Variants in CDH23 observed in about 807,000 individuals in gnomAD.
CDH23 encodes cadherin related 23.
A neutral mutation model predicts 317.1 loss-of-function variants in CDH23; 189 were observed. The ratio of observed to expected loss-of-function variants is 0.60; its 90% CI spans 0.53 to 0.67. The LOEUF is 0.67. Ranked by LOEUF, CDH23 falls within the 30% of genes least tolerant of loss-of-function variation. CDH23 has a pLI of 0.00. For synonymous variants in CDH23, 1,839 were observed against 1,876.8 expected, an observed-to-expected ratio of 0.98 and a Z score of 0.52; for missense variants, 4,401 against 4,592.4, an observed-to-expected ratio of 0.96 and a Z score of 1.20.
intron 9 of CDH23, among the ~76,000 whole-genome samples, chr10:71,579,124 C>T (rs10999895): frequency 0.39 from 59,547 of 152,064 alleles, 11,865 homozygotes; most frequent in African/African-American, 0.45. Flanking sequence ...TAAAGTACCA[C>T]GTAAGTGTTA....
chr10:71,443,916 T>G (rs1850027084), intron 2 of CDH23, among the ~76,000 whole-genome samples: 1 of 152,206 alleles, frequency 6.6e-6, no homozygotes, highest in Admixed American at 6.5e-5. Flanking sequence ...CGTCCCGGAG[T>G]CTGCCTAGCT....
At chr10:71,567,017 A>T in intron 7 of CDH23, 81 bp downstream of exon 7, 1 of 1,287,722 alleles carries the variant, frequency 7.8e-7, no homozygotes, top group Admixed American at 1.9e-5. Flanking sequence ...TTCCAATGGG[A>T]CATTGACCCA....
At position 71,619,999 on chromosome 10, in the gene CDH23, A is replaced by G. The variant is rs531160149; in HGVS notation, c.1134+2606A>G. On this transcript the variant is annotated intron_variant, in intron 11 of 69. Transcript: ENST00000224721. ...GCATCCATCAGCTTATATTGCAGTA[A>G]CAAGTTAGGCCCCACATAAAAGTTG... 9.9e-4 allele frequency among the ~76,000 whole-genome samples: 151 copies of G among 152,342 alleles called. 1 individual carries two copies. Among genetic ancestry groups the G allele is most frequent in the African/African-American group, 3.6e-3 (149 of 41,568 alleles).
intron 38 of CDH23, among the ~76,000 whole-genome samples, chr10:71,765,412 G>T (rs551936778): frequency 6.6e-6 from 1 of 152,324 alleles, no homozygotes; most frequent in Admixed American, 6.5e-5. Flanking sequence ...AGCAAGATGC[G>T]CAAAGCTGAG....
In CDH23 at chr10:71,810,539, G is replaced by A. The variant is rs748451525; in HGVS notation, c.9047G>A (p.Arg3016His). Reference protein sequence around the residue: ...QTELLIHVVNRDTNRILDVDR... With the variant: ...QTELLIHVVNHDTNRILDVDR... ...GAACTGCTTATCCACGTGGTGAACC[G>A]CGATACCAACCGCATCCTGGACGTG... Residue 3016 changes from arginine to histidine, a missense_variant, in exon 62 of 70, where the codon CGC becomes CAC. This residue lies in a region of CDH23 where 1,144 missense variants were observed against 1,138.2 expected (regional missense o/e 1.01). Coordinates refer to ENST00000224721, the MANE Select transcript of CDH23 (RefSeq NM_022124.6). 6.2e-6 allele frequency: 10 copies of A among 1,613,826 alleles called. No homozygotes were observed. Among genetic ancestry groups the A allele is most frequent in the Admixed American group, 3.3e-5 (2 of 60,002 alleles).
intron 9 of CDH23, among the ~76,000 whole-genome samples, chr10:71,581,835 C>A (rs1046902829): frequency 1.3e-5 from 2 of 152,206 alleles, no homozygotes; most frequent in Non-Finnish European, 2.9e-5. Flanking sequence ...ACAGACACCC[C>A]CTCTGGCCTC....
intron 7 of CDH23, among the ~76,000 whole-genome samples, chr10:71,568,542 T>C (rs1363872248): frequency 3.3e-5 from 5 of 152,104 alleles, no homozygotes; most frequent in African/African-American, 1.2e-4. Context: ...TTGCTGTTAC[T>C]CTCCCAGTAA....
At chr10:71,490,617 G>C (rs1466666246) in intron 3 of CDH23, among the ~76,000 whole-genome samples, 1 of 152,238 alleles carries the variant, frequency 6.6e-6, no homozygotes, top group African/African-American at 2.4e-5. Context: ...AGGGCTACAC[G>C]AATGAGGGTC....
chr10:71,777,549 C>T, intron 38 of CDH23, 131 bp from the exon 39 acceptor site: 1 of 757,042 alleles, frequency 1.3e-6, no homozygotes, highest in South Asian at 1.7e-5. Context: ...GTGACCCACC[C>T]CCTGCTTTCT....
chr10:71,669,044 T>G (rs1039424197), intron 14 of CDH23, among the ~76,000 whole-genome samples: 1 of 152,232 alleles, frequency 6.6e-6, no homozygotes, highest in Admixed American at 6.5e-5. Flanking sequence ...CAGTCTCGGC[T>G]GCACCCTCTC....
chr10:71,604,378 A>C (rs1316581995), intron 9 of CDH23, among the ~76,000 whole-genome samples: 1 of 152,238 alleles, frequency 6.6e-6, no homozygotes, highest in Non-Finnish European at 1.5e-5. Context: ...TGACCAACTC[A>C]CATGAAGTGC....
At chr10:71,629,236 A>T (rs1419491147) in intron 11 of CDH23, among the ~76,000 whole-genome samples, 1 of 152,232 alleles carries the variant, frequency 6.6e-6, no homozygotes, top group Non-Finnish European at 1.5e-5. Flanking sequence ...AAACAAACAG[A>T]TGCAAATGAT....
intron 9 of CDH23, among the ~76,000 whole-genome samples, chr10:71,589,097 A>G (rs1021692312): frequency 6.6e-6 from 1 of 151,462 alleles, no homozygotes; most frequent in African/African-American, 2.4e-5. Context: ...CTCCTCACCC[A>G]TCTTTCTTAC....
At chr10:71,410,437 T>C (rs970630408) in intron 1 of CDH23, among the ~76,000 whole-genome samples, 3 of 152,180 alleles carry the variant, frequency 2.0e-5, no homozygotes, top group Non-Finnish European at 4.4e-5. Context: ...AGCACTGTGC[T>C]TCCCATGGCA....
chr10:71,566,398 G>T (rs116752423), intron 6 of CDH23, among the ~76,000 whole-genome samples: 6,465 of 152,162 alleles, frequency 0.042, 276 homozygotes, highest in African/African-American at 0.11. Context: ...CCCCAAAAAG[G>T]AAGCCTGCAG....
intron 6 of CDH23, among the ~76,000 whole-genome samples, chr10:71,531,552 G>A (rs1165308830): frequency 6.6e-6 from 1 of 152,186 alleles, no homozygotes; most frequent in Admixed American, 6.5e-5. Flanking sequence ...CCACTAGAGT[G>A]ACTGCTCTGT....
chr10:71,654,472 C>T (rs1863326748), intron 14 of CDH23, among the ~76,000 whole-genome samples: 1 of 152,232 alleles, frequency 6.6e-6, no homozygotes, highest in Non-Finnish European at 1.5e-5. Context: ...GCATAAGAAA[C>T]CACCCAAACT....
chr10:71,568,042 G>A (rs1160129651), intron 7 of CDH23, among the ~76,000 whole-genome samples: 2 of 152,226 alleles, frequency 1.3e-5, no homozygotes, highest in Non-Finnish European at 2.9e-5. Flanking sequence ...CCAGAATCCA[G>A]TTTTGAAAGA....
chr10:71,713,339 C>A, intron 28 of CDH23: 1 of 773,890 alleles, frequency 1.3e-6, no homozygotes, highest in South Asian at 1.4e-5. Flanking sequence ...GGTGTGCACC[C>A]ACACCTCTGC....
Sources: allele counts gnomAD v4.1 joint callset (sites outside exome capture counted in the v4.1 genomes callset), GRCh38; gene constraint gnomAD v4.1.1; regional missense constraint gnomAD v4.1.1; transcripts MANE v1.5; gene names NCBI Gene and HGNC (gene_info 2026-07-23, HGNC 2026-07-21).